RORA: variants seen among roughly 807,000 people sequenced by gnomAD.
The protein encoded by RORA is RAR related orphan receptor A.
RORA carries 7 observed loss-of-function variants against 69.5 expected under a neutral mutation model. That is an observed-to-expected ratio of 0.10 (90% CI 0.06 to 0.19). The LOEUF (loss-of-function observed/expected upper bound fraction) is 0.19. RORA is among the 10% of genes least tolerant of loss of function. RORA has a pLI of 1.00. For synonymous variants in RORA, 261 were observed against 240.8 expected, an observed-to-expected ratio of 1.08 and a Z score of -0.78; for missense variants, 457 against 663.0, an observed-to-expected ratio of 0.69 and a Z score of 3.41.
chr15:61,092,007 A>AAG (rs2078714889), intron 1 of RORA, among the ~76,000 whole-genome samples: 1 of 152,260 alleles, frequency 6.6e-6, no homozygotes, highest in Non-Finnish European at 1.5e-5. Context: ...GTAGTCAAAC[A>AAG]ATTGAACAAA....
chr15:61,031,551 T>A (rs778626083), intron 1 of RORA, among the ~76,000 whole-genome samples: 16 of 152,110 alleles, frequency 1.1e-4, no homozygotes, highest in Admixed American at 2.0e-4. Flanking sequence ...TATGAAGTAG[T>A]TAAAGTTCTT....
intron 2 of RORA, among the ~76,000 whole-genome samples, chr15:60,675,670 G>A (rs1479163477): frequency 1.3e-5 from 2 of 152,100 alleles, no homozygotes; most frequent in Non-Finnish European, 1.5e-5. Context: ...CCCTTCATGG[G>A]AATTTCTGCC....
At chr15:60,995,332 G>A (rs531968786) in intron 1 of RORA, among the ~76,000 whole-genome samples, 1 of 152,186 alleles carries the variant, frequency 6.6e-6, no homozygotes, top group South Asian at 2.1e-4. Flanking sequence ...CCTCAGGTGT[G>A]GCAGCTGAGC....
intron 1 of RORA, among the ~76,000 whole-genome samples, chr15:60,863,030 G>A (rs2073449824): frequency 6.6e-6 from 1 of 152,308 alleles, no homozygotes; most frequent in East Asian, 1.9e-4. Context: ...ATCTAAACTT[G>A]GGCATTAAAA....
intron 3 of RORA, among the ~76,000 whole-genome samples, chr15:60,516,618 G>T (rs1311579770): frequency 6.6e-6 from 1 of 152,020 alleles, no homozygotes; most frequent in Non-Finnish European, 1.5e-5. Flanking sequence ...TAGGCAAACT[G>T]ATAAGGGTGC....
intron 2 of RORA, among the ~76,000 whole-genome samples, chr15:60,612,641 ATCTC>A (rs1165309783): frequency 4.7e-4 from 67 of 143,666 alleles, no homozygotes; most frequent in African/African-American, 1.1e-3. Flanking sequence ...ACCTAGAAGA[ATCTC>A]TCTCTCTCTC....
intron 1 of RORA, among the ~76,000 whole-genome samples, chr15:61,105,457 T>C (rs2078939400): frequency 6.6e-6 from 1 of 152,216 alleles, no homozygotes; most frequent in Admixed American, 6.5e-5. Context: ...AAGTCTGAAG[T>C]CTTCCAAAAC....
chr15:60,744,364 T>A (rs76941566), intron 1 of RORA, among the ~76,000 whole-genome samples: 4,131 of 152,264 alleles, frequency 0.027, 127 homozygotes, highest in African/African-American at 0.071. Context: ...GAAACAGCTG[T>A]GTCGTTTGCT....
chr15:61,204,600 C>T (rs936757935), intron 1 of RORA, among the ~76,000 whole-genome samples: 8 of 152,120 alleles, frequency 5.3e-5, no homozygotes, highest in African/African-American at 1.9e-4. Flanking sequence ...TATGAGCAAC[C>T]GGAATCCAAT....
At chr15:60,887,141 T>TGAGAGAGAGAGAGAGAGA (rs3053903) in intron 1 of RORA, among the ~76,000 whole-genome samples, 6 of 147,912 alleles carry the variant, frequency 4.1e-5, no homozygotes, top group African/African-American at 1.5e-4. Context: ...TTGCCAGAGC[T>TGAGAGAGAGAGAGAGAGA]GAGAGAGAGA....
At chr15:60,774,661 TCCTTTA>T (rs372717900) in intron 1 of RORA, among the ~76,000 whole-genome samples, 20 of 152,338 alleles carry the variant, frequency 1.3e-4, no homozygotes, top group African/African-American at 4.6e-4. Flanking sequence ...GTCTTTATCT[TCCTTTA>T]CACTAAACTC....
At chr15:61,172,070 G>A (rs1194701606) in intron 1 of RORA, among the ~76,000 whole-genome samples, 2 of 152,064 alleles carry the variant, frequency 1.3e-5, no homozygotes, top group East Asian at 3.9e-4. Flanking sequence ...GCAGTGAGAA[G>A]CATTTTATGA....
intron 1 of RORA, among the ~76,000 whole-genome samples, chr15:61,190,595 T>C (rs951902099): frequency 2.6e-5 from 4 of 151,972 alleles, no homozygotes; most frequent in African/African-American, 9.7e-5. Context: ...ACCCCATCTC[T>C]ACAAAAAATA....
intron 1 of RORA, among the ~76,000 whole-genome samples, chr15:60,979,268 C>CTTTTTTTTTTT (rs767729204): frequency 1.6e-5 from 1 of 64,258 alleles, no homozygotes; most frequent in African/African-American, 5.4e-5. Context: ...CTAGCCCTTG[C>CTTTTTTTTTTT]TTTTTTTTTT....
chr15:61,164,679 C>G (rs1374310670), intron 1 of RORA, among the ~76,000 whole-genome samples: 1 of 152,058 alleles, frequency 6.6e-6, no homozygotes, highest in Admixed American at 6.6e-5. Flanking sequence ...ACACAGTTAT[C>G]ACAAATTCTG....
intron 1 of RORA, among the ~76,000 whole-genome samples, chr15:60,943,800 C>T (rs1388275568): frequency 6.6e-6 from 1 of 150,744 alleles, no homozygotes; most frequent in East Asian, 2.0e-4. Context: ...CCTGTAATCC[C>T]AGCTACTCGG....
intron 1 of RORA, among the ~76,000 whole-genome samples, chr15:61,074,035 T>C (rs1050920476): frequency 2.0e-5 from 3 of 152,202 alleles, no homozygotes; most frequent in Non-Finnish European, 2.9e-5. Context: ...TGGGCTTCAG[T>C]GGTTTTCTAC....
At chr15:61,139,492 G>A (rs1408884709) in intron 1 of RORA, among the ~76,000 whole-genome samples, 1 of 152,210 alleles carries the variant, frequency 6.6e-6, no homozygotes, top group Non-Finnish European at 1.5e-5. Flanking sequence ...TAAAAAAGGA[G>A]GGCGAGTCTT....
chr15:61,222,626 C>A (rs1326918682), intron 1 of RORA, among the ~76,000 whole-genome samples: 1 of 152,128 alleles, frequency 6.6e-6, no homozygotes, highest in East Asian at 1.9e-4. Context: ...GCTGAATTTC[C>A]AACACTACAA....
Sources: gnomAD v4.1 joint callset for allele counts (sites outside exome capture counted in the v4.1 genomes callset) on GRCh38, gnomAD v4.1.1 for gene constraint, MANE v1.5 for transcripts, NCBI Gene and HGNC (gene_info 2026-07-23, HGNC 2026-07-21) for gene names.